CHEK1: variants seen among roughly 807,000 people sequenced by gnomAD.
The protein encoded by CHEK1 is serine/threonine-protein kinase Chk1.
In CHEK1, 32 loss-of-function variants were observed where a neutral mutation model predicts 60.2. The observed-to-expected ratio is 0.53, with a 90% CI of 0.40 to 0.71. CHEK1 has a LOEUF of 0.71. CHEK1 is among the 30% of genes least tolerant of loss of function. The pLI is 0.00. For synonymous variants in CHEK1, 179 were observed against 187.2 expected (o/e 0.96, Z 0.36); for missense variants, 399 against 564.6 (o/e 0.71, Z 2.97).
intron 8 of CHEK1, among the ~76,000 whole-genome samples, chr11:125,641,873 T>G (rs567337124): frequency 6.6e-6 from 1 of 152,322 alleles, no homozygotes; most frequent in African/African-American, 2.4e-5. Context: ...TAAAAGTGAA[T>G]TAGAATATAT....
chr11:125,635,302 G>T lies in CHEK1; in HGVS notation c.614-127G>T, dbSNP rs111849874. On this transcript the variant is annotated intron_variant, in intron 6 of 12. Coordinates refer to ENST00000438015, the MANE Select transcript of CHEK1 (RefSeq NM_001114122.3). ...AGTGCCTCTAAAGTTTCCAAGTTGG[G>T]ATTCTTAGTGTGAAAACCATATTGA... is the stretch of plus-strand genomic sequence containing the variant. 4.3e-5 allele frequency: 25 copies of T among 575,074 alleles called. No individual in the cohort carries two copies. In the African/African-American group the frequency reaches 4.9e-4, roughly 11 times the overall value. 35.6% of individuals were successfully genotyped at this position (575,074 alleles called of 1,614,324 possible). A position where few individuals can be genotyped will look rare whatever the true frequency, so the allele number is the denominator to read the frequency against.
intron 13 of CHEK1, among the ~76,000 whole-genome samples, chr11:125,669,118 C>T (rs187842164): frequency 4.9e-4 from 75 of 152,090 alleles, no homozygotes; most frequent in Middle Eastern, 3.4e-3. Context: ...CTTAAATTTA[C>T]CCACATCTTT....
chr11:125,672,668 A>G, intron 13 of CHEK1: 2 of 1,614,202 alleles, frequency 1.2e-6, no homozygotes, highest in Non-Finnish European at 1.7e-6. Flanking sequence ...AGAGGTTCAT[A>G]GATGGGCACA....
chr11:125,679,567 A>C (rs12277592), downstream of CHEK1, among the ~76,000 whole-genome samples: 1,404 of 152,328 alleles, frequency 9.2e-3, 22 homozygotes, highest in African/African-American at 0.03. Context: ...AGTATATTTT[A>C]AGTGAACAGA....
intron 13 of CHEK1, among the ~76,000 whole-genome samples, chr11:125,666,143 T>C (rs1394959674): frequency 2.6e-5 from 4 of 151,956 alleles, no homozygotes; most frequent in Admixed American, 6.5e-5. Context: ...GCTACAGATT[T>C]CCTTTTTAGC....
Position 125,672,752 on chromosome 11 carries a change from G to C in CHEK1, c.*28-3176G>C, listed in dbSNP as rs748174540. 2.5e-6 allele frequency: 4 copies of C among 1,612,044 alleles called. No homozygotes were observed. The East Asian group carries it at 8.9e-5, about 36-fold the overall frequency. On this transcript the variant is annotated intron_variant, in intron 13 of 13. Coordinates refer to the CHEK1 transcript ENST00000428830. ...GCAGAGACAGACTAGTGAGCAGAAAGCTTCGTCCTCCAACCTTAGCCTTTA... is the reference window on the plus strand; with the variant it reads ...GCAGAGACAGACTAGTGAGCAGAAACCTTCGTCCTCCAACCTTAGCCTTTA...
chr11:125,639,984 C>T (rs533392), intron 8 of CHEK1, among the ~76,000 whole-genome samples: 48,400 of 152,004 alleles, frequency 0.32, 7,964 homozygotes, highest in East Asian at 0.42. Flanking sequence ...CTTTTTCTCC[C>T]ATTTTAAAAT....
At chr11:125,632,497 A>G (rs370307921) in intron 5 of CHEK1, among the ~76,000 whole-genome samples, 3 of 152,154 alleles carry the variant, frequency 2.0e-5, no homozygotes, top group East Asian at 1.9e-4. Flanking sequence ...TAATTTATCT[A>G]TTACCTGCAT....
intron 7 of CHEK1, 63 bp downstream of exon 7, chr11:125,635,596 G>T: frequency 1.9e-6 from 2 of 1,073,490 alleles, no homozygotes; most frequent in Non-Finnish European, 2.7e-6. Flanking sequence ...TGTGCTATTT[G>T]AATTTTTTCT....
At position 125,656,816 on chromosome 11, in the gene CHEK1, T is replaced by G; in HGVS notation, c.*1496T>G. ...TTCCTCTGCAAAGTCTTTCCCTGACTTATCTAAAATAATAACCTCCTCTGT... is the reference window on the plus strand; with the variant it reads ...TTCCTCTGCAAAGTCTTTCCCTGACGTATCTAAAATAATAACCTCCTCTGT... On this transcript the variant is annotated 3_prime_UTR_variant, in exon 13 of 13. Coordinates refer to ENST00000438015, the MANE Select transcript of CHEK1 (RefSeq NM_001114122.3). The G allele has an allele frequency of 4.7e-6, 1 of 213,414 alleles. No homozygotes were observed. The allele number at this position is 213,414 out of a possible 1,614,324, so 13.2% of individuals were successfully genotyped here. A position where few individuals can be genotyped will look rare whatever the true frequency, so the allele number is the denominator to read the frequency against.
At chr11:125,641,836 A>G (rs1000559980) in intron 8 of CHEK1, among the ~76,000 whole-genome samples, 2 of 151,312 alleles carry the variant, frequency 1.3e-5, no homozygotes, top group South Asian at 2.1e-4. Flanking sequence ...CCAAATTACC[A>G]TGATATCTTT....
intron 13 of CHEK1, among the ~76,000 whole-genome samples, chr11:125,675,388 G>T (rs1942453194): frequency 6.6e-6 from 1 of 152,106 alleles, no homozygotes; most frequent in South Asian, 2.1e-4. Flanking sequence ...TTTGTACACA[G>T]TTTATATTTG....
Position 125,656,340 on chromosome 11 carries a change from G to T in CHEK1, c.*1020G>T. ...CACTCCAGCTTGGATGACAGAGTAA[G>T]ACCCTACCTCTAATAAAAATTTTTA... On this transcript the variant is annotated 3_prime_UTR_variant, in exon 13 of 13. Coordinates refer to ENST00000438015, the MANE Select transcript of CHEK1 (RefSeq NM_001114122.3). 1 of 207,806 alleles carries T rather than the reference G, an allele frequency of 4.8e-6. No homozygotes were observed. Among genetic ancestry groups the T allele is most frequent in the Non-Finnish European group, 9.8e-6 (1 of 101,902 alleles). 12.9% of individuals were successfully genotyped at this position (207,806 alleles called of 1,614,324 possible).
downstream of CHEK1, among the ~76,000 whole-genome samples, chr11:125,678,978 T>TTATTTATATATATATATATATA (rs1555078665): frequency 1.5e-4 from 13 of 88,438 alleles, no homozygotes; most frequent in Non-Finnish European, 2.5e-4. Context: ...TCTAGGCATA[T>TTATTTATATATATATATATATA]TATATATATA....
chr11:125,631,192 A>G (rs929103998), intron 5 of CHEK1, among the ~76,000 whole-genome samples: 1 of 152,140 alleles, frequency 6.6e-6, no homozygotes, highest in African/African-American at 2.4e-5. Context: ...GAAATAGAGC[A>G]TTGTTTTTCT....
exon 14 of CHEK1, chr11:125,676,176 G>A: frequency 1.4e-6 from 1 of 694,860 alleles, no homozygotes; most frequent in Non-Finnish European, 2.3e-6. Flanking sequence ...CCAAAGTGCT[G>A]GGATTTTAGG....
chr11:125,640,403 A>AG lies in CHEK1; in HGVS notation c.814+2861dup, dbSNP rs369703818. ...AAAAATACAAAAAATTAGCCGGGCG[A>AG]GGTGGCGGTCGCCTGTAGTCCCAGC... On this transcript the variant is annotated intron_variant, in intron 8 of 12. Coordinates refer to ENST00000438015, the MANE Select transcript of CHEK1 (RefSeq NM_001114122.3). Among the ~76,000 whole-genome samples, 976 of 152,028 alleles carry AG rather than the reference A, an allele frequency of 6.4e-3. 8 individuals are homozygous for AG. Among genetic ancestry groups the AG allele is most frequent in the African/African-American group, 0.022 (931 of 41,486 alleles).
intron 13 of CHEK1, among the ~76,000 whole-genome samples, chr11:125,665,985 T>C (rs1409905309): frequency 1.3e-5 from 2 of 151,050 alleles, no homozygotes. Flanking sequence ...TGTCTAAATT[T>C]ATTTATTTCT....
At chr11:125,637,777 T>C (rs567576127) in intron 8 of CHEK1, among the ~76,000 whole-genome samples, 3 of 152,230 alleles carry the variant, frequency 2.0e-5, no homozygotes, top group Non-Finnish European at 4.4e-5. Context: ...GGAAGACTTT[T>C]CTTCCTGAAG....
Sources: allele counts gnomAD v4.1 joint callset (sites outside exome capture counted in the v4.1 genomes callset), GRCh38; gene constraint gnomAD v4.1.1; transcripts MANE v1.5; gene names NCBI Gene and HGNC (gene_info 2026-07-23, HGNC 2026-07-21).